Variants in ENO4 observed in about 807,000 individuals in gnomAD.
ENO4 encodes the protein 2-phospho-D-glycerate hydro-lyase.
A neutral mutation model predicts 63.2 loss-of-function variants in ENO4; 53 were observed. The observed-to-expected ratio is 0.84, with a 90% CI of 0.67 to 1.05. The LOEUF (loss-of-function observed/expected upper bound fraction) is 1.05. Ranked by LOEUF, ENO4 falls within the 50% of genes least tolerant of loss-of-function variation. The pLI, the probability that ENO4 is intolerant of heterozygous loss-of-function variation, is 0.00. For missense variants in ENO4, 719 were observed against 772.0 expected (o/e 0.93, Z 0.81); for synonymous variants, 266 against 283.8 (o/e 0.94, Z 0.63).
At chr10:116,863,451 A>G (rs897851482) in intron 7 of ENO4, among the ~76,000 whole-genome samples, 3 of 152,078 alleles carry the variant, frequency 2.0e-5, no homozygotes, top group Non-Finnish European at 4.4e-5. Flanking sequence ...GATATATTAC[A>G]TGGTACATTT....
chr10:116,883,725 T>C (rs2133290200), downstream of ENO4: 1 of 154,448 alleles, frequency 6.5e-6, no homozygotes, highest in Admixed American at 6.3e-5. Context: ...TATTGGTGAG[T>C]AGTTAGAGCC....
At chr10:116,904,625 T>C (rs887168364) in intron 10 of ENO4, among the ~76,000 whole-genome samples, 2 of 152,142 alleles carry the variant, frequency 1.3e-5, no homozygotes, top group African/African-American at 4.8e-5. Context: ...ATACAAATAT[T>C]TGTATATTGG....
intron 10 of ENO4, among the ~76,000 whole-genome samples, chr10:116,898,241 T>A (rs1847591671): frequency 6.6e-6 from 1 of 151,792 alleles, no homozygotes; most frequent in Non-Finnish European, 1.5e-5. Flanking sequence ...GGCAAGAGAA[T>A]CGCTTGAACT....
At chr10:116,906,574 G>T in intron 10 of ENO4, 1 of 1,518,850 alleles carries the variant, frequency 6.6e-7, no homozygotes, top group Non-Finnish European at 8.9e-7. Flanking sequence ...AGACTTAGAA[G>T]AAGATGTTTC....
At chr10:116,909,175 T>C (rs919073439) in intron 10 of ENO4, among the ~76,000 whole-genome samples, 1 of 152,176 alleles carries the variant, frequency 6.6e-6, no homozygotes, top group African/African-American at 2.4e-5. Flanking sequence ...AATAAGTCAT[T>C]GATAGGGCTG....
At chr10:116,899,957 C>T (rs1418559883) in intron 10 of ENO4, among the ~76,000 whole-genome samples, 1 of 152,124 alleles carries the variant, frequency 6.6e-6, no homozygotes, top group Non-Finnish European at 1.5e-5. Flanking sequence ...TTACATGTAA[C>T]TACATTAAGT....
intron 10 of ENO4, chr10:116,901,078 C>T: frequency 1.0e-6 from 1 of 985,358 alleles, no homozygotes; most frequent in Non-Finnish European, 1.2e-6. Context: ...TCTGATTTGT[C>T]TCACCTCTTC....
chr10:116,903,816 G>T (rs1283617219), intron 10 of ENO4, among the ~76,000 whole-genome samples: 1 of 152,152 alleles, frequency 6.6e-6, no homozygotes, highest in Admixed American at 6.6e-5. Context: ...AGTGAGCTAA[G>T]CTACAGCTCT....
downstream of ENO4, chr10:116,883,249 T>C (rs921343510): frequency 1.1e-4 from 16 of 152,204 alleles, no homozygotes; most frequent in Non-Finnish European, 2.9e-5. Flanking sequence ...TCTTTCTACT[T>C]ATACTTTCTC....
chr10:116,856,653 T>C lies in ENO4; in HGVS notation c.456T>C (p.Ser152=). Residue 152 remains serine (S), a synonymous_variant, in exon 3 of 14, where the codon TCT becomes TCC. Transcript: ENST00000341276. ...ITHELQGMAP[S]DQAEVDHLLR... ...ACGAGCTCCAGGGGATGGCACCCTC[T>C]GACCAGGCAGAGGTGGATCACCTAC... 2 of 1,534,584 alleles carry C rather than the reference T, an allele frequency of 1.3e-6. No individual in the cohort carries two copies. The highest frequency in any genetic ancestry group is 1.7e-6 in the Non-Finnish European group (2 of 1,146,322).
downstream of ENO4, chr10:116,883,885 G>T (rs1847089888): frequency 4.8e-6 from 1 of 208,374 alleles, no homozygotes; most frequent in South Asian, 5.9e-5. Context: ...ATACAAAAGG[G>T]TGCAAGTGCT....
At chr10:116,877,428 G>A (rs1157246697) in intron 11 of ENO4, among the ~76,000 whole-genome samples, 2 of 152,158 alleles carry the variant, frequency 1.3e-5, no homozygotes, top group African/African-American at 4.8e-5. Context: ...GGAAGTCTAG[G>A]AGGGATCAGA....
Position 116,880,323 on chromosome 10 carries a change from C to T in ENO4, c.1723+337C>T, listed in dbSNP as rs1454209966. ...CTGCACAGCCCATGAAAGTTAAAGG[C>T]AGACACTTTCCTGAGGGTTTTTGGA... On this transcript the variant is annotated intron_variant, in intron 13 of 13. Coordinates refer to ENST00000341276, the MANE Select transcript of ENO4 (RefSeq NM_001242699.2). 2.0e-5 allele frequency among the ~76,000 whole-genome samples: 3 copies of T among 152,214 alleles called. No individual in the cohort carries two copies. In the South Asian group the frequency reaches 6.2e-4, roughly 32 times the overall value.
chr10:116,850,054 C>A, intron 1 of ENO4: 1 of 508,286 alleles, frequency 2.0e-6, no homozygotes, highest in South Asian at 2.0e-5. Context: ...GGCCGGCCCA[C>A]CGCCCATGCT....
At chr10:116,874,368 G>A (rs1257142658) in intron 10 of ENO4, among the ~76,000 whole-genome samples, 167 bp downstream of exon 10, 1 of 152,114 alleles carries the variant, frequency 6.6e-6, no homozygotes, top group Non-Finnish European at 1.5e-5. Flanking sequence ...AATTTGGTCT[G>A]GGGCTGAGTT....
At chr10:116,855,104 C>A (rs1374421509) in intron 1 of ENO4, among the ~76,000 whole-genome samples, 1 of 151,942 alleles carries the variant, frequency 6.6e-6, no homozygotes, top group Non-Finnish European at 1.5e-5. Context: ...ACTATCCTGG[C>A]CAACATGGTG....
At chr10:116,902,015 G>A (rs780749649) in intron 10 of ENO4, 14 of 1,420,884 alleles carry the variant, frequency 9.9e-6, no homozygotes, top group Non-Finnish European at 1.3e-5. Flanking sequence ...TATTAATATG[G>A]TACTGAAAAA....
chr10:116,854,685 G>T (rs1236058861), intron 1 of ENO4, among the ~76,000 whole-genome samples: 4 of 152,036 alleles, frequency 2.6e-5, no homozygotes, highest in East Asian at 1.9e-4. Flanking sequence ...GCTGACACCT[G>T]TAATCCCAGC....
At chr10:116,906,793 CAATATACAAAAG>C in intron 10 of ENO4, 1 of 1,471,266 alleles carries the variant, frequency 6.8e-7, no homozygotes, top group Non-Finnish European at 9.2e-7. Flanking sequence ...TGTCTTAATA[CAATATACAAAAG>C]AATATAAAAA....
Sources: allele counts gnomAD v4.1 joint callset (sites outside exome capture counted in the v4.1 genomes callset), GRCh38; gene constraint gnomAD v4.1.1; transcripts MANE v1.5; gene names NCBI Gene and HGNC (gene_info 2026-07-23, HGNC 2026-07-21).